Variants in KCNH8 observed in about 807,000 individuals in gnomAD.
KCNH8 encodes potassium voltage-gated channel subfamily H member 8.
A neutral mutation model predicts 103.6 loss-of-function variants in KCNH8; 70 were observed. The observed-to-expected ratio is 0.68, with a 90% CI of 0.56 to 0.82. KCNH8 has a LOEUF of 0.82. KCNH8 is among the 40% of genes least tolerant of loss of function. The pLI, the probability that KCNH8 is intolerant of heterozygous loss-of-function variation, is 0.00. For missense variants in KCNH8, 1,217 were observed against 1,329.9 expected, an observed-to-expected ratio of 0.92 and a Z score of 1.32; for synonymous variants, 498 against 489.4, an observed-to-expected ratio of 1.02 and a Z score of -0.23.
chr3:19,279,118 T>G (rs1046750815), intron 2 of KCNH8, among the ~76,000 whole-genome samples: 4 of 152,166 alleles, frequency 2.6e-5, no homozygotes, highest in Admixed American at 6.6e-5. Context: ...CACTATTACT[T>G]TCTCTAAGGT....
rs1345234425 is a variant in KCNH8 at position 19,342,688 on chromosome 3, G to C, written c.544G>C (p.Glu182Gln). 1.2e-6 allele frequency: 2 copies of C among 1,609,620 alleles called. No individual in the cohort carries two copies. Among genetic ancestry groups the C allele is most frequent in the Non-Finnish European group, 1.7e-6 (2 of 1,177,026 alleles). ...YHISGHLQRR[E>Q]KNKLKINNNV... ...CATCTCTGGGCACCTGCAAAGAAGA[G>C]AAAAGAACAAATTGAAAATAAATAA... Residue 182 changes from glutamate (E) to glutamine (Q), a missense_variant, in exon 4 of 16, where the codon GAA becomes CAA. Coordinates refer to ENST00000328405, the MANE Select transcript of KCNH8 (RefSeq NM_144633.3).
intron 3 of KCNH8, among the ~76,000 whole-genome samples, chr3:19,340,390 GGGT>G (rs2065645198): frequency 1.4e-5 from 2 of 145,786 alleles, no homozygotes; most frequent in South Asian, 4.3e-4. Context: ...CTAAGTTTTA[GGGT>G]ACATGTGCAC....
At chr3:19,332,797 T>G (rs915865883) in intron 3 of KCNH8, among the ~76,000 whole-genome samples, 4 of 152,064 alleles carry the variant, frequency 2.6e-5, no homozygotes, top group Non-Finnish European at 5.9e-5. Flanking sequence ...CACACCCAGC[T>G]AATTTTTGTA....
At chr3:19,232,236 T>C (rs896923542) in intron 1 of KCNH8, among the ~76,000 whole-genome samples, 2 of 152,204 alleles carry the variant, frequency 1.3e-5, no homozygotes, top group Non-Finnish European at 2.9e-5. Context: ...AATGTCCTAA[T>C]GTAACTTGAA....
chr3:19,369,670 C>T (rs1361211283), intron 5 of KCNH8, among the ~76,000 whole-genome samples: 1 of 151,804 alleles, frequency 6.6e-6, no homozygotes, highest in Non-Finnish European at 1.5e-5. Flanking sequence ...CATTTTTTCC[C>T]ACTAAACCAC....
At chr3:19,282,778 T>C (rs1293969512) in intron 3 of KCNH8, among the ~76,000 whole-genome samples, 8 of 152,182 alleles carry the variant, frequency 5.3e-5, no homozygotes, top group Non-Finnish European at 1.2e-4. Context: ...CCTTTTCATT[T>C]AGAGTTTGAG....
At chr3:19,327,124 C>A (rs937582889) in intron 3 of KCNH8, among the ~76,000 whole-genome samples, 1 of 152,112 alleles carries the variant, frequency 6.6e-6, no homozygotes, top group Admixed American at 6.5e-5. Context: ...ATGGAAGCTG[C>A]GTAAGTCCAG....
chr3:19,519,662 A>G (rs950945236), intron 15 of KCNH8, among the ~76,000 whole-genome samples: 6 of 151,852 alleles, frequency 4.0e-5, no homozygotes, highest in African/African-American at 1.4e-4. Flanking sequence ...AAACAAAAAA[A>G]CAAAACAAAA....
At chr3:19,424,510 A>G (rs1035600189) in intron 7 of KCNH8, among the ~76,000 whole-genome samples, 1 of 152,200 alleles carries the variant, frequency 6.6e-6, no homozygotes, top group East Asian at 1.9e-4. Flanking sequence ...TAAAAATTCT[A>G]TAATATAACA....
At chr3:19,395,360 AGAGTATC>A in intron 7 of KCNH8, 49 bp downstream of exon 7, 1 of 1,311,836 alleles carries the variant, frequency 7.6e-7, no homozygotes, top group Non-Finnish European at 1.1e-6. Flanking sequence ...TTAAAAAAAA[AGAGTATC>A]AAGAACTTGG....
chr3:19,239,734 C>T (rs368218537), intron 1 of KCNH8, among the ~76,000 whole-genome samples: 22 of 152,050 alleles, frequency 1.4e-4, no homozygotes, highest in Non-Finnish European at 2.8e-4. Flanking sequence ...TTTCCTAATG[C>T]TTTATAATGT....
chr3:19,530,027 A>AGTT (rs1308064614), intron 15 of KCNH8, among the ~76,000 whole-genome samples: 1 of 152,152 alleles, frequency 6.6e-6, no homozygotes, highest in Non-Finnish European at 1.5e-5. Context: ...ACGGTCTCAA[A>AGTT]GTTGTGGCAA....
At chr3:19,495,218 T>C (rs933843471) in intron 11 of KCNH8, among the ~76,000 whole-genome samples, 4 of 152,200 alleles carry the variant, frequency 2.6e-5, no homozygotes, top group African/African-American at 9.6e-5. Flanking sequence ...CATTTGTCAA[T>C]TTTTGCCTTT....
chr3:19,384,544 G>GT (rs1362855612), intron 5 of KCNH8, among the ~76,000 whole-genome samples: 5 of 151,942 alleles, frequency 3.3e-5, no homozygotes, highest in African/African-American at 7.3e-5. Flanking sequence ...TAATAAAAGG[G>GT]TTTTTTTAAC....
At position 19,274,808 on chromosome 3, in the gene KCNH8, T is replaced by C. The variant is rs116324979; in HGVS notation, c.311-6390T>C. Among the ~76,000 whole-genome samples the C allele has an allele frequency of 7.0e-3, 987 of 140,080 alleles. 5 individuals are homozygous for C. The highest frequency in any genetic ancestry group is 0.012 in the Non-Finnish European group (783 of 65,568). 91.9% of individuals were successfully genotyped at this position (140,080 alleles called of 152,430 possible). On this transcript the variant is annotated intron_variant, in intron 2 of 15. Coordinates refer to ENST00000328405, the MANE Select transcript of KCNH8 (RefSeq NM_144633.3). ...TTGACACGTTTCAATCAGTTAATCA[T>C]AACTTGATTTCCCTTCCCTTCCCTC...
At chr3:19,496,607 G>A (rs911768815) in intron 11 of KCNH8, among the ~76,000 whole-genome samples, 2 of 152,076 alleles carry the variant, frequency 1.3e-5, no homozygotes, top group African/African-American at 2.4e-5. Flanking sequence ...GTATTTTGTT[G>A]AGGATTTTTG....
chr3:19,399,842 A>G (rs1339759526), intron 7 of KCNH8, among the ~76,000 whole-genome samples: 1 of 151,968 alleles, frequency 6.6e-6, no homozygotes, highest in Admixed American at 6.6e-5. Context: ...GATTGCAAGT[A>G]AAAACAAAAA....
At chr3:19,398,676 C>G (rs748894384) in intron 7 of KCNH8, among the ~76,000 whole-genome samples, 1 of 151,920 alleles carries the variant, frequency 6.6e-6, no homozygotes, top group African/African-American at 2.4e-5. Context: ...GGACTGTAAA[C>G]TGACAATAAT....
intron 2 of KCNH8, among the ~76,000 whole-genome samples, chr3:19,273,484 CATTA>C (rs1299947115): frequency 6.6e-6 from 1 of 152,132 alleles, no homozygotes; most frequent in Non-Finnish European, 1.5e-5. Context: ...ATAAGTCAGA[CATTA>C]ATTGGGGCTT....
Sources: gnomAD v4.1 joint callset for allele counts (sites outside exome capture counted in the v4.1 genomes callset) on GRCh38, gnomAD v4.1.1 for gene constraint, MANE v1.5 for transcripts, NCBI Gene and HGNC (gene_info 2026-07-23, HGNC 2026-07-21) for gene names.